The following DDX10 variants were observed in gnomAD, a reference collection of about 807,000 sequenced individuals.
The protein encoded by DDX10 is probable ATP-dependent RNA helicase DDX10.
In DDX10, 74 loss-of-function variants were observed where a neutral mutation model predicts 104.3. The observed-to-expected ratio is 0.71, with a 90% CI of 0.59 to 0.86. The LOEUF (loss-of-function observed/expected upper bound fraction) is 0.86, where lower values mean the gene tolerates loss of function less well. DDX10 is among the 40% of genes least tolerant of loss of function. The pLI is 0.00. For synonymous variants in DDX10, 351 were observed against 353.4 expected, an observed-to-expected ratio of 0.99 and a Z score of 0.08; for missense variants, 952 against 1,040.0, an observed-to-expected ratio of 0.92 and a Z score of 1.16.
At chr11:108,804,665 G>C (rs1317093288) in intron 13 of DDX10, among the ~76,000 whole-genome samples, 1 of 152,166 alleles carries the variant, frequency 6.6e-6, no homozygotes, top group East Asian at 1.9e-4. Context: ...TGGCCAGTTT[G>C]CTTTCCCATC....
chr11:108,928,311 A>G (rs528145125), intron 17 of DDX10, among the ~76,000 whole-genome samples: 1 of 152,328 alleles, frequency 6.6e-6, no homozygotes, highest in South Asian at 2.1e-4. Flanking sequence ...ATCAATACAT[A>G]GAAATTTAAA....
chr11:108,783,220 C>T (rs1246745624), intron 13 of DDX10, among the ~76,000 whole-genome samples: 4 of 152,132 alleles, frequency 2.6e-5, no homozygotes, highest in South Asian at 4.1e-4. Flanking sequence ...CATCTTTATA[C>T]ATCAAGTGCC....
intron 16 of DDX10, among the ~76,000 whole-genome samples, chr11:108,861,853 C>G (rs2134614708): frequency 6.6e-6 from 1 of 152,262 alleles, no homozygotes; most frequent in South Asian, 2.1e-4. Context: ...TAAACCCTGT[C>G]TCTACTAAAA....
At chr11:108,720,996 T>C (rs952948438) in intron 12 of DDX10, among the ~76,000 whole-genome samples, 8 of 151,900 alleles carry the variant, frequency 5.3e-5, no homozygotes, top group Non-Finnish European at 5.9e-5. Context: ...CACAATCTTA[T>C]AGAAGCACCT....
At chr11:108,803,068 C>G (rs1159270604) in intron 13 of DDX10, among the ~76,000 whole-genome samples, 1 of 152,220 alleles carries the variant, frequency 6.6e-6, no homozygotes, top group African/African-American at 2.4e-5. Context: ...CACATACATG[C>G]TGTCTCCAGC....
At chr11:108,917,806 C>G in intron 16 of DDX10, 67 bp from the exon 17 acceptor site, 1 of 1,538,182 alleles carries the variant, frequency 6.5e-7, no homozygotes, top group South Asian at 1.2e-5. Context: ...TTGGGGTCTG[C>G]AAATAAAACC....
At chr11:108,776,921 C>T (rs920542011) in intron 13 of DDX10, among the ~76,000 whole-genome samples, 1 of 152,190 alleles carries the variant, frequency 6.6e-6, no homozygotes, top group South Asian at 2.1e-4. Flanking sequence ...TTCTCCAGAG[C>T]TTCCAGGTGG....
At chr11:108,692,148 A>AT in intron 8 of DDX10, 110 bp downstream of exon 8, 1 of 1,009,176 alleles carries the variant, frequency 9.9e-7, no homozygotes, top group Non-Finnish European at 1.4e-6. Flanking sequence ...TTCTTTTCTT[A>AT]TTTTGTAAGA....
intron 13 of DDX10, among the ~76,000 whole-genome samples, chr11:108,747,548 T>C (rs1281858220): frequency 6.6e-6 from 1 of 152,182 alleles, no homozygotes; most frequent in Non-Finnish European, 1.5e-5. Context: ...TTCAGACTAC[T>C]GATTGTGGGA....
At chr11:108,735,010 T>C (rs1233624311) in intron 13 of DDX10, among the ~76,000 whole-genome samples, 2 of 152,214 alleles carry the variant, frequency 1.3e-5, no homozygotes, top group Admixed American at 1.3e-4. Context: ...AGGACTGTCT[T>C]TGTGATGGCA....
At chr11:108,703,301 A>G (rs975136286) in intron 9 of DDX10, among the ~76,000 whole-genome samples, 2 of 152,186 alleles carry the variant, frequency 1.3e-5, no homozygotes, top group Non-Finnish European at 2.9e-5. Context: ...ATGTTTTGAA[A>G]ACAAATCTGT....
Position 108,838,501 on chromosome 11 carries a change from CA to C in DDX10, c.2028del (p.Val677Ter). The C allele has an allele frequency of 1.2e-6, 2 of 1,611,042 alleles. No homozygotes were observed. Among genetic ancestry groups the C allele is most frequent in the South Asian group, 2.2e-5 (2 of 90,658 alleles). ...AAAAAAATGACCAAAGTTGCAGAAG[CA>C]AAAAAAGTAATGAAGAGAAATTTTA... ...IKKKMTKVAE[A>X]KKVMKRNFKV... On this transcript the variant is annotated frameshift_variant, in exon 14 of 18. Transcript: ENST00000322536. LOFTEE classifies it high-confidence loss of function.
chr11:108,898,673 A>C (rs1863472602), intron 16 of DDX10, among the ~76,000 whole-genome samples: 2 of 152,056 alleles, frequency 1.3e-5, no homozygotes, highest in African/African-American at 4.8e-5. Context: ...AAAAAAAAAA[A>C]AAACAAGCGA....
chr11:108,835,200 C>T (rs991458561), intron 13 of DDX10, among the ~76,000 whole-genome samples: 6 of 152,144 alleles, frequency 3.9e-5, no homozygotes, highest in Non-Finnish European at 7.3e-5. Context: ...TACCACCGCA[C>T]AGCTTACTCA....
rs191620601 is a variant in DDX10, at chr11:108,909,636, C to T, written c.2305-8237C>T. ...AACCTGAGAGGGGCCTGTGGGAACC[C>T]GTGAATTTGTAGTCTACTGGCCACT... On this transcript the variant is annotated intron_variant, in intron 16 of 17. Coordinates refer to ENST00000322536, the MANE Select transcript of DDX10 (RefSeq NM_004398.4). 8.5e-5 allele frequency among the ~76,000 whole-genome samples: 13 copies of T among 152,172 alleles called. No homozygotes were observed. In the East Asian group the frequency reaches 2.1e-3, roughly 25 times the overall value.
chr11:108,747,464 A>G (rs2094333220), intron 13 of DDX10, among the ~76,000 whole-genome samples: 2 of 152,064 alleles, frequency 1.3e-5, no homozygotes, highest in Admixed American at 6.6e-5. Context: ...CTTATTTTCC[A>G]TTTCTGTAGG....
At chr11:108,799,115 C>T (rs1452244992) in intron 13 of DDX10, among the ~76,000 whole-genome samples, 1 of 152,138 alleles carries the variant, frequency 6.6e-6, no homozygotes, top group Non-Finnish European at 1.5e-5. Context: ...AGGGTTAGGT[C>T]TTGGCTTTTG....
chr11:108,925,786 T>G (rs1863900352), intron 17 of DDX10, among the ~76,000 whole-genome samples: 1 of 152,224 alleles, frequency 6.6e-6, no homozygotes, highest in Admixed American at 6.5e-5. Context: ...TGTTAGTAAA[T>G]TTTTTAAAGA....
At chr11:108,673,317 G>C (rs866471563) in intron 1 of DDX10, 150 bp from the exon 2 acceptor site, 4 of 612,580 alleles carry the variant, frequency 6.5e-6, no homozygotes, top group African/African-American at 1.9e-5. Flanking sequence ...GGCATATTTC[G>C]TTACAGAAGG....
Sources: allele counts gnomAD v4.1 joint callset (sites outside exome capture counted in the v4.1 genomes callset), GRCh38; gene constraint gnomAD v4.1.1; transcripts MANE v1.5; gene names NCBI Gene and HGNC (gene_info 2026-07-23, HGNC 2026-07-21).